Variants in NUDCD1 observed in about 807,000 individuals in gnomAD.
NUDCD1 encodes the protein nudC domain-containing protein 1.
NUDCD1 carries 60 observed loss-of-function variants against 67.8 expected under a neutral mutation model. That is an observed-to-expected ratio of 0.88 (90% CI 0.72 to 1.10). The LOEUF (loss-of-function observed/expected upper bound fraction) is 1.10. Among genes scored for constraint, NUDCD1 ranks in the 50% least tolerant of loss-of-function variants. NUDCD1 has a pLI of 0.00. For synonymous variants in NUDCD1, 244 were observed against 230.8 expected (o/e 1.06, Z -0.52); for missense variants, 643 against 695.0 (o/e 0.93, Z 0.84).
chr8:109,290,066 C>T (rs1164925280), intron 4 of NUDCD1, 133 bp from the exon 5 acceptor site: 1 of 458,102 alleles, frequency 2.2e-6, no homozygotes, highest in African/African-American at 2.1e-5. Context: ...TATTAAGAGT[C>T]TTTTCATAAG....
intron 2 of NUDCD1, among the ~76,000 whole-genome samples, chr8:109,310,277 G>C (rs915102745): frequency 2.0e-5 from 3 of 151,882 alleles, no homozygotes; most frequent in African/African-American, 4.8e-5. Context: ...TAGGCACACA[G>C]ACCAATGGAA....
chr8:109,252,217 C>T (rs1165538680), intron 8 of NUDCD1, among the ~76,000 whole-genome samples: 1 of 152,088 alleles, frequency 6.6e-6, no homozygotes, highest in Non-Finnish European at 1.5e-5. Flanking sequence ...CTGTCTGGTT[C>T]AGCCTCAGTA....
chr8:109,247,222 AT>A (rs140573162), intron 8 of NUDCD1, among the ~76,000 whole-genome samples: 5 of 151,876 alleles, frequency 3.3e-5, no homozygotes, highest in African/African-American at 1.2e-4. Context: ...CTGATACTCT[AT>A]TTTTTTTAAC....
chr8:109,301,270 C>A (rs543113221), intron 2 of NUDCD1, among the ~76,000 whole-genome samples: 47 of 152,296 alleles, frequency 3.1e-4, no homozygotes, highest in African/African-American at 1.1e-3. Context: ...TAAGAAGGTA[C>A]TTTGTAATAT....
At chr8:109,279,638 TTC>T (rs1315775093) in intron 6 of NUDCD1, among the ~76,000 whole-genome samples, 1 of 152,136 alleles carries the variant, frequency 6.6e-6, no homozygotes, top group Non-Finnish European at 1.5e-5. Flanking sequence ...ACTTATGTAT[TTC>T]TTTCTTTTTT....
chr8:109,250,223 C>T (rs934660315), intron 8 of NUDCD1, among the ~76,000 whole-genome samples: 1 of 152,128 alleles, frequency 6.6e-6, no homozygotes, highest in East Asian at 1.9e-4. Flanking sequence ...TAAATAAATT[C>T]TAGCTTCCCT....
At chr8:109,303,022 A>G (rs1815025405) in intron 2 of NUDCD1, among the ~76,000 whole-genome samples, 1 of 152,204 alleles carries the variant, frequency 6.6e-6, no homozygotes, top group Non-Finnish European at 1.5e-5. Context: ...AAAACTTCAA[A>G]AAGCCTAAAC....
At chr8:109,248,608 G>C (rs996661995) in intron 8 of NUDCD1, among the ~76,000 whole-genome samples, 2 of 151,580 alleles carry the variant, frequency 1.3e-5, no homozygotes, top group African/African-American at 4.9e-5. Context: ...GGGTGACTAG[G>C]GTCAAGAGCT....
At chr8:109,309,207 C>T (rs1278675910) in intron 2 of NUDCD1, among the ~76,000 whole-genome samples, 1 of 152,048 alleles carries the variant, frequency 6.6e-6, no homozygotes, top group East Asian at 1.9e-4. Flanking sequence ...TGCTATAATC[C>T]TTAACAAAAT....
rs141129236 is a variant in NUDCD1 at position 109,251,647 on chromosome 8, T to C, written c.1300-6166A>G. On this transcript the variant is annotated intron_variant, in intron 8 of 9. Transcript: ENST00000239690. The stretch of plus-strand genomic sequence containing the variant: ...TGCTATTCCTGATGTTGATACTTTG[T>C]GTTTTCTTTTTCCTCAGTCTGGCTA... 1.5e-4 allele frequency among the ~76,000 whole-genome samples: 23 copies of C among 151,830 alleles called. No individual in the cohort carries two copies. The East Asian group carries it at 4.2e-3, about 28-fold the overall frequency.
At chr8:109,308,317 A>G (rs993108248) in intron 2 of NUDCD1, among the ~76,000 whole-genome samples, 1 of 152,166 alleles carries the variant, frequency 6.6e-6, no homozygotes, top group Non-Finnish European at 1.5e-5. Context: ...CCTCTGGGAC[A>G]CAGCAAAGGC....
In NUDCD1 at chr8:109,261,164, T is replaced by C. The variant is rs183339648; in HGVS notation, c.1299+9841A>G. 7.3e-4 allele frequency among the ~76,000 whole-genome samples: 111 copies of C among 152,276 alleles called. 1 individual carries two copies. Among genetic ancestry groups the C allele is most frequent in the African/African-American group, 2.1e-3 (88 of 41,560 alleles). On this transcript the variant is annotated intron_variant, in intron 8 of 9. Coordinates refer to ENST00000239690, the MANE Select transcript of NUDCD1 (RefSeq NM_032869.4). ...CTGATTAAATTATAGTATAAGCCTA[T>C]ATGACAGCATGCAATATATTAGTAT... is the stretch of plus-strand genomic sequence containing the variant.
At chr8:109,328,776 A>G (rs2926247) in intron 1 of NUDCD1, among the ~76,000 whole-genome samples, 54,876 of 152,036 alleles carry the variant, frequency 0.36, 10,727 homozygotes, top group South Asian at 0.5. Flanking sequence ...ATATCCCGGA[A>G]AAAAAACTCA....
intron 2 of NUDCD1, among the ~76,000 whole-genome samples, chr8:109,312,454 G>T (rs1348612101): frequency 6.6e-6 from 1 of 152,004 alleles, no homozygotes; most frequent in African/African-American, 2.4e-5. Context: ...ATAACTATAG[G>T]CTTTTTGGAG....
At chr8:109,283,614 T>C (rs538458877) in intron 5 of NUDCD1, among the ~76,000 whole-genome samples, 34 of 152,248 alleles carry the variant, frequency 2.2e-4, no homozygotes, top group African/African-American at 7.0e-4. Context: ...CCAGGAGAGA[T>C]TGAGAGCTAT....
chr8:109,250,761 T>C (rs973598758), intron 8 of NUDCD1, among the ~76,000 whole-genome samples: 2 of 150,348 alleles, frequency 1.3e-5, no homozygotes, highest in Non-Finnish European at 2.9e-5. Flanking sequence ...TATGGTGAAT[T>C]ATACTGATTG....
chr8:109,290,826 CA>C (rs1814695509), intron 4 of NUDCD1, among the ~76,000 whole-genome samples: 1 of 152,114 alleles, frequency 6.6e-6, no homozygotes, highest in African/African-American at 2.4e-5. Context: ...AACTTAATGT[CA>C]TATTATTATG....
At chr8:109,321,693 C>T (rs576176430) in intron 2 of NUDCD1, among the ~76,000 whole-genome samples, 1 of 152,060 alleles carries the variant, frequency 6.6e-6, no homozygotes, top group East Asian at 1.9e-4. Flanking sequence ...AAGAGAAAGA[C>T]TGTCATATGG....
chr8:109,312,298 C>CA (rs5893951), intron 2 of NUDCD1, among the ~76,000 whole-genome samples: 9,012 of 82,194 alleles, frequency 0.11, 607 homozygotes, highest in Non-Finnish European at 0.13. Context: ...GAGACACTGT[C>CA]AAAAAAAAAA....
Sources: gnomAD v4.1 joint callset for allele counts (sites outside exome capture counted in the v4.1 genomes callset) on GRCh38, gnomAD v4.1.1 for gene constraint, MANE v1.5 for transcripts, NCBI Gene and HGNC (gene_info 2026-07-23, HGNC 2026-07-21) for gene names.